FAM78B: variants seen among roughly 807,000 people sequenced by gnomAD.
FAM78B encodes protein FAM78B.
A neutral mutation model predicts 20.0 loss-of-function variants in FAM78B; 10 were observed. That is an observed-to-expected ratio of 0.50 (90% CI 0.31 to 0.85). FAM78B has a LOEUF of 0.85. Among genes scored for constraint, FAM78B ranks in the 40% least tolerant of loss-of-function variants. The probability of loss-of-function intolerance (pLI) is 0.05; values close to 1 mark genes in which losing one functional copy is unlikely to be tolerated. For synonymous variants in FAM78B, 135 were observed against 132.8 expected, an observed-to-expected ratio of 1.02 and a Z score of -0.12; for missense variants, 283 against 345.0, an observed-to-expected ratio of 0.82 and a Z score of 1.42.
At chr1:166,117,180 G>A (rs1654293826) in intron 1 of FAM78B, among the ~76,000 whole-genome samples, 1 of 152,062 alleles carries the variant, frequency 6.6e-6, no homozygotes, top group South Asian at 2.1e-4. Context: ...GGAGACATAT[G>A]ATCTCCCTGA....
At chr1:166,100,547 C>A (rs6700318) in intron 1 of FAM78B, among the ~76,000 whole-genome samples, 29,732 of 152,250 alleles carry the variant, frequency 0.2, 3,318 homozygotes, top group East Asian at 0.38. Flanking sequence ...GAGATTATAT[C>A]CCATGCATGG....
intron 1 of FAM78B, 60 bp from the exon 2 acceptor site, chr1:166,070,823 G>A (rs1651998439): frequency 6.7e-7 from 1 of 1,495,618 alleles, no homozygotes; most frequent in Non-Finnish European, 8.9e-7. Flanking sequence ...TTCAAAAGCT[G>A]GAGAGGTGCT....
chr1:166,137,289 G>A (rs1469014407), intron 1 of FAM78B, among the ~76,000 whole-genome samples: 2 of 152,198 alleles, frequency 1.3e-5, no homozygotes, highest in Non-Finnish European at 2.9e-5. Context: ...GCAGGACAGT[G>A]AGCTATGATC....
intron 1 of FAM78B, among the ~76,000 whole-genome samples, chr1:166,143,670 G>A (rs1372008710): frequency 6.6e-6 from 1 of 152,098 alleles, no homozygotes; most frequent in Non-Finnish European, 1.5e-5. Context: ...GGTCCTGATG[G>A]GAGGCCATGG....
At chr1:166,132,241 G>T (rs1391689953) in intron 1 of FAM78B, among the ~76,000 whole-genome samples, 2 of 152,108 alleles carry the variant, frequency 1.3e-5, no homozygotes, top group Admixed American at 6.5e-5. Context: ...ATATGTTTTG[G>T]TTTTTCTGTC....
chr1:166,109,737 T>C (rs191680431), intron 1 of FAM78B, among the ~76,000 whole-genome samples: 12 of 144,750 alleles, frequency 8.3e-5, no homozygotes, highest in Admixed American at 7.7e-4. Context: ...CAATTCACAA[T>C]TGCAAAATTG....
At chr1:166,139,219 CA>C (rs1655185311) in intron 1 of FAM78B, among the ~76,000 whole-genome samples, 2 of 152,042 alleles carry the variant, frequency 1.3e-5, no homozygotes, top group African/African-American at 4.8e-5. Flanking sequence ...GGAGATGAGC[CA>C]ACATAAGAAA....
intron 1 of FAM78B, among the ~76,000 whole-genome samples, chr1:166,162,514 A>T (rs1263505693): frequency 6.6e-6 from 1 of 152,192 alleles, no homozygotes; most frequent in Non-Finnish European, 1.5e-5. Flanking sequence ...ATCTCATTCA[A>T]CCCTGGCACA....
Position 166,070,745 on chromosome 1 carries a change from A to G in FAM78B, c.282T>C (p.Pro94=). The change falls in exon 2 of 2, where the codon CCT becomes CCC. Residue 94 remains proline (P), a synonymous_variant. Coordinates refer to ENST00000354422, the MANE Select transcript of FAM78B (RefSeq NM_001017961.5). ...CTTTTACTCTCCCTTCCCTCAAGTCAGGCAGTTCCCAGCTTGACCTGGCAA... is the reference window on the plus strand; with the variant it reads ...CTTTTACTCTCCCTTCCCTCAAGTCGGGCAGTTCCCAGCTTGACCTGGCAA... ...SDLGMSSWEL[P]DLREGRVKAI... 6.4e-7 allele frequency: 1 copy of G among 1,572,754 alleles called. No homozygotes were observed.
intron 1 of FAM78B, among the ~76,000 whole-genome samples, chr1:166,156,640 A>T (rs2101802892): frequency 1.3e-5 from 2 of 152,340 alleles, no homozygotes; most frequent in South Asian, 4.1e-4. Context: ...CTTATAAAGA[A>T]AACAAAAATC....
At chr1:166,154,137 C>T (rs893311262) in intron 1 of FAM78B, among the ~76,000 whole-genome samples, 1 of 152,222 alleles carries the variant, frequency 6.6e-6, no homozygotes, top group East Asian at 1.9e-4. Flanking sequence ...AGGGGAGGGC[C>T]CCTGGCCCCC....
chr1:166,142,029 C>T (rs1655298519), intron 1 of FAM78B, among the ~76,000 whole-genome samples: 2 of 152,154 alleles, frequency 1.3e-5, no homozygotes, highest in South Asian at 4.1e-4. Flanking sequence ...TCCCAGGTGT[C>T]CTTGCCCTGA....
chr1:166,121,239 T>C (rs1351702158), intron 1 of FAM78B, among the ~76,000 whole-genome samples: 2 of 152,152 alleles, frequency 1.3e-5, no homozygotes, highest in Non-Finnish European at 2.9e-5. Flanking sequence ...CACATGCATA[T>C]GGTCCTGGGG....
intron 1 of FAM78B, among the ~76,000 whole-genome samples, chr1:166,110,685 TGAG>T (rs2101758169): frequency 6.6e-6 from 1 of 152,300 alleles, no homozygotes; most frequent in South Asian, 2.1e-4. Flanking sequence ...CAGGGAGACC[TGAG>T]GAGTCTCTGC....
intron 1 of FAM78B, among the ~76,000 whole-genome samples, chr1:166,106,928 T>TA (rs561641167): frequency 2.9e-4 from 43 of 146,176 alleles, no homozygotes; most frequent in African/African-American, 7.5e-4. Flanking sequence ...TATACAAAAG[T>TA]AAAAAAAAAA....
At chr1:166,147,958 G>A (rs1234198708) in intron 1 of FAM78B, 1 of 152,116 alleles carries the variant, frequency 6.6e-6, no homozygotes, top group Admixed American at 6.6e-5. Flanking sequence ...TTTTAATGTT[G>A]CCTGCAATCA....
intron 1 of FAM78B, among the ~76,000 whole-genome samples, chr1:166,143,730 G>C (rs1038157326): frequency 2.6e-5 from 4 of 152,096 alleles, no homozygotes; most frequent in African/African-American, 9.7e-5. Context: ...AAGTGGGGTG[G>C]AGAGGGAAGC....
chr1:166,109,888 A>ATGTG lies in FAM78B; in HGVS notation c.264-39126_264-39125insCACA, dbSNP rs1259833968. 1.8e-4 allele frequency among the ~76,000 whole-genome samples: 5 copies of ATGTG among 27,614 alleles called. 1 individual carries two copies. The East Asian group carries it at 4.9e-3, about 27-fold the overall frequency. 18.1% of individuals were successfully genotyped at this position (27,614 alleles called of 152,430 possible). On this transcript the variant is annotated intron_variant, in intron 1 of 1. Transcript: ENST00000354422. The stretch of plus-strand genomic sequence containing the variant: ...TATGTGTATATATATATATGTATAT[A>ATGTG]TGTATATATATATATATATATATAT...
At chr1:166,151,382 C>G (rs1432244690) in intron 1 of FAM78B, among the ~76,000 whole-genome samples, 2 of 152,134 alleles carry the variant, frequency 1.3e-5, no homozygotes, top group African/African-American at 2.4e-5. Flanking sequence ...GGGTATAATT[C>G]TAGATTCTAA....
Sources: allele counts gnomAD v4.1 joint callset (sites outside exome capture counted in the v4.1 genomes callset), GRCh38; gene constraint gnomAD v4.1.1; transcripts MANE v1.5; gene names NCBI Gene and HGNC (gene_info 2026-07-23, HGNC 2026-07-21).